The following SPRTN variants were observed in gnomAD, a reference collection of about 807,000 sequenced individuals.
SPRTN encodes the protein DNA-dependent metalloprotease SPRTN.
A neutral mutation model predicts 31.9 loss-of-function variants in SPRTN; 11 were observed. That is an observed-to-expected ratio of 0.34 (90% confidence interval 0.22 to 0.57). The LOEUF is 0.57. Among genes scored for constraint, SPRTN ranks in the 20% least tolerant of loss-of-function variants. The probability of loss-of-function intolerance (pLI) is 0.86; values close to 1 mark genes in which losing one functional copy is unlikely to be tolerated. For synonymous variants in SPRTN, 185 were observed against 212.1 expected (o/e 0.87, Z 1.11); for missense variants, 482 against 590.1 (o/e 0.82, Z 1.90).
At chr1:231,351,664 T>C in intron 4 of SPRTN, 93 bp downstream of exon 4, 1 of 1,525,084 alleles carries the variant, frequency 6.6e-7, no homozygotes, top group Non-Finnish European at 8.8e-7. Flanking sequence ...TAAGATAAAC[T>C]TAAGGATCGT....
intron 1 of SPRTN, among the ~76,000 whole-genome samples, chr1:231,338,923 G>A (rs1367243726): frequency 6.6e-6 from 1 of 152,204 alleles, no homozygotes; most frequent in Non-Finnish European, 1.5e-5. Flanking sequence ...AGTGCTGTAG[G>A]ACCCAGAAGG....
chr1:231,351,794 T>G, intron 4 of SPRTN: 1 of 1,166,818 alleles, frequency 8.6e-7, no homozygotes, highest in Non-Finnish European at 1.1e-6. Context: ...ATAGTTTCCA[T>G]GGATATTTTT....
At chr1:231,341,131 A>G (rs1571990332) in intron 2 of SPRTN, among the ~76,000 whole-genome samples, 2 of 151,888 alleles carry the variant, frequency 1.3e-5, no homozygotes, top group East Asian at 3.9e-4. Flanking sequence ...AATATCAGTT[A>G]AATGTAAGTG....
chr1:231,343,325 GTA>G (rs139643266), intron 2 of SPRTN, among the ~76,000 whole-genome samples: 114 of 147,474 alleles, frequency 7.7e-4, no homozygotes, highest in Admixed American at 8.1e-4. Context: ...CTAGGTGTGT[GTA>G]TATATATATA....
intron 2 of SPRTN, among the ~76,000 whole-genome samples, chr1:231,346,716 G>A (rs757847358): frequency 1.3e-5 from 2 of 152,130 alleles, no homozygotes; most frequent in African/African-American, 2.4e-5. Context: ...GCTGAGGCGG[G>A]CAGATTGCTT....
intron 2 of SPRTN, among the ~76,000 whole-genome samples, chr1:231,340,820 T>C (rs1445025608): frequency 1.3e-5 from 2 of 151,796 alleles, no homozygotes; most frequent in African/African-American, 2.4e-5. Context: ...GAAAGAATTA[T>C]CTGTACAAAA....
At chr1:231,346,075 A>G (rs1383688137) in intron 2 of SPRTN, among the ~76,000 whole-genome samples, 2 of 152,022 alleles carry the variant, frequency 1.3e-5, no homozygotes, top group African/African-American at 4.8e-5. Context: ...TCAGCCTCCC[A>G]AAGTGCTGGG....
intron 2 of SPRTN, among the ~76,000 whole-genome samples, chr1:231,340,547 GA>G (rs1352333799): frequency 3.9e-5 from 6 of 152,186 alleles, no homozygotes; most frequent in Admixed American, 6.5e-5. Flanking sequence ...TTCCTGTTGA[GA>G]AACACAAATT....
At chr1:231,340,052 A>AAAC (rs1431917916) in intron 2 of SPRTN, 184 bp downstream of exon 2, 1 of 504,574 alleles carries the variant, frequency 2.0e-6, no homozygotes, top group Non-Finnish European at 3.4e-6. Context: ...CATAGTAAAA[A>AAAC]AAAAAAAAAC....
intron 3 of SPRTN, among the ~76,000 whole-genome samples, chr1:231,349,413 C>T (rs1011373047): frequency 6.6e-6 from 1 of 152,168 alleles, no homozygotes; most frequent in Non-Finnish European, 1.5e-5. Context: ...TCCGGGTTAG[C>T]AAGAGAATTA....
At chr1:231,340,351 A>G (rs986465662) in intron 2 of SPRTN, among the ~76,000 whole-genome samples, 1 of 152,218 alleles carries the variant, frequency 6.6e-6, no homozygotes, top group Non-Finnish European at 1.5e-5. Context: ...TGGGTGACAG[A>G]GCAAGACTCT....
chr1:231,338,331 T>G lies in SPRTN; in HGVS notation c.-53T>G. On this transcript the variant is annotated 5_prime_UTR_variant, in exon 1 of 5. Transcript: ENST00000295050. The stretch of plus-strand genomic sequence containing the variant: ...GGCTAGGCGGCTTGGGGTCGCGGCG[T>G]AACTGGGGAGCCAGCCTGACGCCGG... The G allele has an allele frequency of 6.3e-7, 1 of 1,598,794 alleles. No homozygotes were observed. The highest frequency in any genetic ancestry group is 1.1e-5 in the South Asian group (1 of 90,030).
rs780896592 is a variant in SPRTN, at chr1:231,351,336, G to A, written c.483G>A (p.Glu161=). 1.2e-5 allele frequency: 20 copies of A among 1,612,564 alleles called. No homozygotes were observed. In the South Asian group the frequency reaches 2.1e-4, roughly 17 times the overall value. The stretch of plus-strand genomic sequence containing the variant: ...ATACTTTTCACGATGAGGTGGATGA[G>A]TATCGGCGACACTGGTGGCGCTGCA... ...VYHTFHDEVD[E]YRRHWWRCNG... Residue 161 remains glutamate (E), a synonymous_variant, in exon 4 of 5, where the codon GAG becomes GAA. Coordinates refer to ENST00000295050, the MANE Select transcript of SPRTN (RefSeq NM_032018.7).
At chr1:231,352,418 A>G (rs1278184422) in intron 4 of SPRTN, 192 bp from the exon 5 acceptor site, 5 of 1,266,342 alleles carry the variant, frequency 3.9e-6, no homozygotes, top group Non-Finnish European at 5.0e-6. Context: ...TTTATCCTTT[A>G]TATTCTCTCA....
chr1:231,354,310 C>T lies in SPRTN; in HGVS notation c.*949C>T, dbSNP rs1687330222. On this transcript the variant is annotated 3_prime_UTR_variant, in exon 5 of 5. Coordinates refer to ENST00000295050, the MANE Select transcript of SPRTN (RefSeq NM_032018.7). ...AGGGAAAGGACAAAGAGACTTTTAT[C>T]AGTTTGCTTTTTGTCTTGTGGCTGT... The T allele has an allele frequency of 1.0e-6, 1 of 981,718 alleles. No homozygotes were observed. 60.8% of individuals were successfully genotyped at this position (981,718 alleles called of 1,614,324 possible). A position where few individuals can be genotyped will look rare whatever the true frequency, so the allele number is the denominator to read the frequency against.
In SPRTN at chr1:231,354,509, C is replaced by G. The variant is rs1226633674; in HGVS notation, c.*1148C>G. ...CCCGGATCAAGTTAGAGAACACTTC[C>G]ATTGCCACAGAAGGCTTCCTATAGG... On this transcript the variant is annotated 3_prime_UTR_variant, in exon 5 of 5. Transcript: ENST00000295050. 2 of 502,038 alleles carry G rather than the reference C, an allele frequency of 4.0e-6. No homozygotes were observed. Among genetic ancestry groups the G allele is most frequent in the Non-Finnish European group, 5.2e-6 (2 of 387,750 alleles). The allele number at this position is 502,038 out of a possible 1,614,324, so 31.1% of individuals were successfully genotyped here. A position where few individuals can be genotyped will look rare whatever the true frequency, so the allele number is the denominator to read the frequency against.
Position 231,352,823 on chromosome 1 carries a change from A to G in SPRTN, c.932A>G (p.Lys311Arg). ...AAATTTGAACAGAATGGTTCAAGTAAAAATTCTCATCTGGTCTCCCCTGCT... is the reference window on the plus strand; with the variant it reads ...AAATTTGAACAGAATGGTTCAAGTAGAAATTCTCATCTGGTCTCCCCTGCT... Reference protein sequence around the residue: ...KVKFEQNGSSKNSHLVSPAVS... With the variant: ...KVKFEQNGSSRNSHLVSPAVS... The change falls in exon 5 of 5, where the codon AAA becomes AGA. Residue 311 changes from lysine (K) to arginine (R), a missense_variant. Transcript: ENST00000295050. 1 of 1,613,782 alleles carries G rather than the reference A, an allele frequency of 6.2e-7. No homozygotes were observed. The highest frequency in any genetic ancestry group is 8.5e-7 in the Non-Finnish European group (1 of 1,179,896).
At chr1:231,341,024 A>C (rs1351604652) in intron 2 of SPRTN, among the ~76,000 whole-genome samples, 1 of 152,160 alleles carries the variant, frequency 6.6e-6, no homozygotes, top group Non-Finnish European at 1.5e-5. Context: ...AGTTTGTTTA[A>C]AAAGTAGCTA....
At chr1:231,341,969 A>T (rs1177588101) in intron 2 of SPRTN, among the ~76,000 whole-genome samples, 1 of 152,172 alleles carries the variant, frequency 6.6e-6, no homozygotes, top group East Asian at 1.9e-4. Context: ...CTGGGGTGAC[A>T]GAGCAAGACC....
Sources: gnomAD v4.1 joint callset for allele counts (sites outside exome capture counted in the v4.1 genomes callset) on GRCh38, gnomAD v4.1.1 for gene constraint, MANE v1.5 for transcripts, NCBI Gene and HGNC (gene_info 2026-07-23, HGNC 2026-07-21) for gene names.